Variants in CD5 observed in about 807,000 individuals in gnomAD.
CD5 encodes CD5 molecule.
In CD5, 36 loss-of-function variants were observed where a neutral mutation model predicts 60.3. That is an observed-to-expected ratio of 0.60 (90% CI 0.46 to 0.79). CD5 has a LOEUF of 0.79. Ranked by LOEUF, CD5 falls within the 30% of genes least tolerant of loss-of-function variation. CD5 has a pLI of 0.00. For synonymous variants in CD5, 230 were observed against 257.6 expected (o/e 0.89, Z 1.03); for missense variants, 540 against 630.6 (o/e 0.86, Z 1.54).
chr11:61,109,372 C>T (rs1053457114), intron 1 of CD5, among the ~76,000 whole-genome samples: 1 of 152,158 alleles, frequency 6.6e-6, no homozygotes, highest in African/African-American at 2.4e-5. Context: ...AAGGTGCCAG[C>T]GAGGCGTGGA....
Position 61,107,748 on chromosome 11 carries a change from C to T in CD5, c.55+5133C>T, listed in dbSNP as rs114968054. Among the ~76,000 whole-genome samples, 1,335 of 152,302 alleles carry T rather than the reference C, an allele frequency of 8.8e-3. 26 individuals carry two copies. The highest frequency in any genetic ancestry group is 0.031 in the African/African-American group (1,294 of 41,552). On this transcript the variant is annotated intron_variant, in intron 1 of 10. Transcript: ENST00000347785. ...CATCACCATCATGTACCTTTCAAGGCCTGACTTTCATGGTGTCCAGAGGGA... is the reference window on the plus strand; with the variant it reads ...CATCACCATCATGTACCTTTCAAGGTCTGACTTTCATGGTGTCCAGAGGGA...
chr11:61,125,915 A>G, intron 10 of CD5, 74 bp downstream of exon 10: 2 of 931,044 alleles, frequency 2.1e-6, no homozygotes, highest in Admixed American at 2.5e-5. Flanking sequence ...CAGCCACTCA[A>G]TGCCTCCCCT....
Position 61,118,652 on chromosome 11 carries a change from C to T in CD5, c.400+172C>T, listed in dbSNP as rs1861002093. ...CAGGAGGGGGACTGGAAGGGGCCAGCACCCATCTGTAGGATGGCAATGGAG... is the reference window on the plus strand; with the variant it reads ...CAGGAGGGGGACTGGAAGGGGCCAGTACCCATCTGTAGGATGGCAATGGAG... On this transcript the variant is annotated intron_variant, in intron 3 of 10. Coordinates refer to ENST00000347785, the MANE Select transcript of CD5 (RefSeq NM_014207.4). The surrounding 1 kb of genome is among the most constrained non-coding windows in gnomAD (Gnocchi z 4.7). Among the ~76,000 whole-genome samples the T allele has an allele frequency of 6.6e-6, 1 of 152,246 alleles. No individual in the cohort carries two copies. The highest frequency in any genetic ancestry group is 2.4e-5 in the African/African-American group (1 of 41,462).
At chr11:61,125,706 G>A in intron 9 of CD5, 45 bp from the exon 10 acceptor site, 1 of 1,423,686 alleles carries the variant, frequency 7.0e-7, no homozygotes, top group Non-Finnish European at 9.8e-7. Context: ...AAGGGGCTCT[G>A]TGGAGTCAAA....
At position 61,108,627 on chromosome 11, in the gene CD5, G is replaced by A. The variant is rs539909669; in HGVS notation, c.55+6012G>A. On this transcript the variant is annotated intron_variant, in intron 1 of 10. Coordinates refer to ENST00000347785, the MANE Select transcript of CD5 (RefSeq NM_014207.4). ...TCAAGTCAGCCAACATATAGGATTC[G>A]AGGAAGGAAAATCCAGAATCCTACC... 2.8e-3 allele frequency among the ~76,000 whole-genome samples: 429 copies of A among 152,294 alleles called. 5 individuals are homozygous for A. The highest frequency in any genetic ancestry group is 0.01 in the Middle Eastern group (3 of 294).
intron 1 of CD5, among the ~76,000 whole-genome samples, chr11:61,110,865 C>T (rs1257361222): frequency 6.6e-6 from 1 of 151,910 alleles, no homozygotes; most frequent in African/African-American, 2.4e-5. Context: ...GTGATGGTGA[C>T]AGTGATGGTG....
chr11:61,107,871 C>G (rs1320968501), intron 1 of CD5, among the ~76,000 whole-genome samples: 4 of 152,182 alleles, frequency 2.6e-5, no homozygotes, highest in Admixed American at 1.3e-4. Flanking sequence ...TGCACTGCCA[C>G]AGATTCCCAC....
rs1349073513 is a variant in CD5 at position 61,125,816 on chromosome 11, C to A, written c.1465C>A (p.Leu489Met). ...CAACTCCTCCGACAGTGACTATGAT[C>A]TGCATGGGGCTCAGAGGCTGTAAAG... ...PDNSSDSDYD[L>M]HGAQRL The change falls in exon 10 of 11, where the codon CTG becomes ATG. Residue 489 changes from leucine (L) to methionine (M), a missense_variant. By Grantham distance (15) the Leu-to-Met change is conservative (BLOSUM62 2). Transcript: ENST00000347785. 6.2e-7 allele frequency: 1 copy of A among 1,611,856 alleles called. No individual in the cohort carries two copies. The highest frequency in any genetic ancestry group is 2.2e-5 in the East Asian group (1 of 44,756).
chr11:61,116,847 C>CCA (rs1360543798), intron 2 of CD5, among the ~76,000 whole-genome samples: 1 of 148,944 alleles, frequency 6.7e-6, no homozygotes, highest in African/African-American at 2.5e-5. Context: ...ACACACACCA[C>CCA]CACACACACA....
chr11:61,123,256 G>A (rs1861096211), intron 7 of CD5, among the ~76,000 whole-genome samples: 1 of 152,066 alleles, frequency 6.6e-6, no homozygotes. Flanking sequence ...TCCATCTCTG[G>A]AGCCCAGCTG....
intron 1 of CD5, among the ~76,000 whole-genome samples, chr11:61,112,481 T>C (rs559981795): frequency 7.9e-5 from 12 of 152,174 alleles, no homozygotes; most frequent in African/African-American, 2.9e-4. Flanking sequence ...TCATCTCTAC[T>C]AAAAGTACAA....
At chr11:61,102,658 T>G in intron 1 of CD5, 43 bp downstream of exon 1, 1 of 1,501,634 alleles carries the variant, frequency 6.7e-7, no homozygotes, top group African/African-American at 1.4e-5. Context: ...CCGGGCTCGC[T>G]CCAGTGCAAG....
At chr11:61,099,170 C>T (rs1007538903), upstream of CD5, among the ~76,000 whole-genome samples, 2 of 152,248 alleles carry the variant, frequency 1.3e-5, no homozygotes. Flanking sequence ...AACAGGGACA[C>T]GGAGCTCACA....
chr11:61,097,519 A>C (rs952907138), upstream of CD5, among the ~76,000 whole-genome samples: 2 of 152,194 alleles, frequency 1.3e-5, no homozygotes. Context: ...ACCCACCCGG[A>C]GTCCCACCAG....
At chr11:61,119,018 C>T (rs772511024) in intron 4 of CD5, 41 bp downstream of exon 4, 11 of 1,508,896 alleles carry the variant, frequency 7.3e-6, no homozygotes, top group Non-Finnish European at 1.0e-5. Flanking sequence ...TCAGAGCTAG[C>T]AAATAAAAAC....
chr11:61,120,996 G>A (rs1861050447), intron 5 of CD5, among the ~76,000 whole-genome samples: 1 of 152,220 alleles, frequency 6.6e-6, no homozygotes, highest in African/African-American at 2.4e-5. Flanking sequence ...GAGCATGTGT[G>A]GGCCTCAGCT....
chr11:61,097,596 C>G (rs1409210087), upstream of CD5, among the ~76,000 whole-genome samples: 1 of 152,170 alleles, frequency 6.6e-6, no homozygotes, highest in African/African-American at 2.4e-5. Flanking sequence ...ATTACCTGAC[C>G]ACTGGGCAGG....
intron 1 of CD5, among the ~76,000 whole-genome samples, chr11:61,103,666 T>TATGTGTGTCTGTGTGAGTCTGTGTGTAC (rs1491222886): frequency 3.5e-5 from 5 of 144,466 alleles, no homozygotes; most frequent in African/African-American, 1.4e-4. Flanking sequence ...TGTGTGACTC[T>TATGTGTGTCTGTGTGAGTCTGTGTGTAC]GTGTGTGAGT....
intron 1 of CD5, among the ~76,000 whole-genome samples, chr11:61,111,776 G>A (rs529027020): frequency 6.6e-6 from 1 of 152,194 alleles, no homozygotes; most frequent in African/African-American, 2.4e-5. Context: ...CTCCCCGAGG[G>A]TCTGCTGCCC....
Sources: gnomAD v4.1 joint callset for allele counts (sites outside exome capture counted in the v4.1 genomes callset) on GRCh38, gnomAD v4.1.1 for gene constraint, Gnocchi (gnomAD v3.1) non-coding constraint, MANE v1.5 for transcripts, NCBI Gene and HGNC (gene_info 2026-07-23, HGNC 2026-07-21) for gene names.